EIF4G1: variants seen among roughly 807,000 people sequenced by gnomAD.
EIF4G1 encodes EIF4-gamma.
EIF4G1 carries 4 observed loss-of-function variants against 187.8 expected under a neutral mutation model. That is an observed-to-expected ratio of 0.02 (90% confidence interval 0.01 to 0.05). EIF4G1 has a LOEUF of 0.05. EIF4G1 is among the 10% of genes least tolerant of loss of function. The pLI is 1.00. For missense variants in EIF4G1, 1,647 were observed against 2,081.1 expected, an observed-to-expected ratio of 0.79 and a Z score of 4.06; for synonymous variants, 844 against 781.4, an observed-to-expected ratio of 1.08 and a Z score of -1.34.
At chr3:184,324,115 C>G (rs949968758) in intron 16 of EIF4G1, 86 bp from the exon 17 acceptor site, 1 of 1,608,008 alleles carries the variant, frequency 6.2e-7, no homozygotes, top group Non-Finnish European at 8.5e-7. Context: ...GGCCAGAGAT[C>G]TTCCTGGGTC....
intron 29 of EIF4G1, 30 bp from the exon 30 acceptor site, chr3:184,331,442 C>T: frequency 2.5e-6 from 4 of 1,614,140 alleles, no homozygotes; most frequent in Non-Finnish European, 3.4e-6. Context: ...GGCAACCTTA[C>T]CTCTTAACTG....
At position 184,326,621 on chromosome 3, in the gene EIF4G1, C is replaced by T; in HGVS notation, c.3317C>T (p.Ser1106Leu). Reference sequence around the variant, plus strand: ...AGCGGAGGCTCAGGAGCCAAGCCCTCAGACGCAGGTATGGAGGCAGTGTCA... The same window carrying T: ...AGCGGAGGCTCAGGAGCCAAGCCCTTAGACGCAGGTATGGAGGCAGTGTCA... Reference protein sequence around the residue: ...GSSGGSGAKPSDAASEAARPA... With the variant: ...GSSGGSGAKPLDAASEAARPA... Residue 1106 changes from serine to leucine, a missense_variant, in exon 22 of 33, where the codon TCA (serine) becomes TTA (leucine). Coordinates refer to ENST00000346169, the MANE Select transcript of EIF4G1 (RefSeq NM_198241.3). 1.2e-6 allele frequency: 2 copies of T among 1,609,810 alleles called. No homozygotes were observed. The highest frequency in any genetic ancestry group is 1.7e-6 in the Non-Finnish European group (2 of 1,180,010).
chr3:184,328,786 G>C, intron 27 of EIF4G1, 30 bp downstream of exon 27: 1 of 1,614,110 alleles, frequency 6.2e-7, no homozygotes, highest in East Asian at 2.2e-5. Flanking sequence ...ATTCAGGGGA[G>C]GTAAAGACCA....
At chr3:184,316,597 C>T (rs1403196998) in intron 4 of EIF4G1, 2 of 1,020,944 alleles carry the variant, frequency 2.0e-6, no homozygotes, top group Non-Finnish European at 2.9e-6. Flanking sequence ...TCTCTGTTCC[C>T]CAGCTTCTTC....
chr3:184,324,545 C>T (rs1176857647), intron 17 of EIF4G1, among the ~76,000 whole-genome samples, 198 bp downstream of exon 17: 2 of 152,156 alleles, frequency 1.3e-5, no homozygotes, highest in African/African-American at 4.8e-5. Flanking sequence ...GGCTAGCCTC[C>T]ACCTCCTGAG....
At position 184,322,691 on chromosome 3, in the gene EIF4G1, A is replaced by T; in HGVS notation, c.1756A>T (p.Asn586Tyr). 6.2e-7 allele frequency: 1 copy of T among 1,614,208 alleles called. No individual in the cohort carries two copies. Among genetic ancestry groups the T allele is most frequent in the Non-Finnish European group, 8.5e-7 (1 of 1,180,044 alleles). The change falls in exon 12 of 33, where the codon AAC becomes TAC. Residue 586 changes from asparagine to tyrosine, a missense_variant. Asn to Tyr is a moderately radical substitution (Grantham distance 143). Coordinates refer to ENST00000346169, the MANE Select transcript of EIF4G1 (RefSeq NM_198241.3). ...SKEDKIHNAENIQPGEQKYEY... is the reference protein window; with the variant it reads ...SKEDKIHNAEYIQPGEQKYEY... ...GGAAGACAAAATTCACAATGCTGAGAACATCCAGCCCGGGGAACAGAAGTA... is the reference window on the plus strand; with the variant it reads ...GGAAGACAAAATTCACAATGCTGAGTACATCCAGCCCGGGGAACAGAAGTA...
At chr3:184,327,168 G>A (rs1334856214) in intron 23 of EIF4G1, 48 bp from the exon 24 acceptor site, 6 of 1,607,062 alleles carry the variant, frequency 3.7e-6, no homozygotes, top group Non-Finnish European at 3.4e-6. Flanking sequence ...AATTACATGA[G>A]TGCCTGGGCA....
chr3:184,324,309 T>C lies in EIF4G1; in HGVS notation c.2581T>C (p.Phe861Leu). ...GAAAGACAAAGATGATGATGAGGTT[T>C]TTGAGAAGAAGCAAAAAGAGATGGA... ...FEKDKDDDEV[F>L]EKKQKEMDEA... The change falls in exon 17 of 33, where the codon TTT becomes CTT. Residue 861 changes from phenylalanine to leucine, a missense_variant. Physicochemically the swap from Phe to Leu is conservative, Grantham distance 22. Coordinates refer to ENST00000346169, the MANE Select transcript of EIF4G1 (RefSeq NM_198241.3). 1 of 1,614,216 alleles carries C rather than the reference T, an allele frequency of 6.2e-7. No homozygotes were observed. Among genetic ancestry groups the C allele is most frequent in the South Asian group, 1.1e-5 (1 of 91,086 alleles).
At chr3:184,330,254 C>T (rs1725789817) in intron 28 of EIF4G1, among the ~76,000 whole-genome samples, 1 of 152,120 alleles carries the variant, frequency 6.6e-6, no homozygotes, top group Non-Finnish European at 1.5e-5. Context: ...TGGTGCGCAC[C>T]TGTAGTCCCA....
rs748298511 is a variant in EIF4G1, at chr3:184,321,317, C to G, written c.733C>G (p.Pro245Ala). ...RSQGAIIADR[P>A]GLPGPEHSPS... ...ACAGGGAGCAATCATTGCTGACCGG[C>G]CAGGGCTGCCTGGCCCAGAGCATAG... The change falls in exon 10 of 33, where the codon CCA (proline) becomes GCA (alanine). Residue 245 changes from proline to alanine, a missense_variant. Pro to Ala is a conservative substitution (Grantham distance 27). Coordinates refer to ENST00000346169, the MANE Select transcript of EIF4G1 (RefSeq NM_198241.3). 1 of 1,614,120 alleles carries G rather than the reference C, an allele frequency of 6.2e-7. No individual in the cohort carries two copies. The highest frequency in any genetic ancestry group is 8.5e-7 in the Non-Finnish European group (1 of 1,180,016).
At position 184,327,443 on chromosome 3, in the gene EIF4G1, A is replaced by T; in HGVS notation, c.3656A>T (p.Asp1219Val). Reference protein sequence around the residue: ...SLTEDRDRGRDAVKREAALPP... With the variant: ...SLTEDRDRGRVAVKREAALPP... ...ACGGAGGATCGGGACCGTGGGCGGG[A>T]TGCCGGTGAGAGTCTGGGAGAGGAA... Residue 1219 changes from aspartate (D) to valine (V), a missense_variant, in exon 24 of 33, where the codon GAT becomes GTT. Asp to Val is a radical substitution (Grantham distance 152). This residue lies in a region of EIF4G1 where 543 missense variants were observed against 638.0 expected (regional missense o/e 0.85). Coordinates refer to ENST00000346169, the MANE Select transcript of EIF4G1 (RefSeq NM_198241.3). 6.2e-7 allele frequency: 1 copy of T among 1,613,620 alleles called. No individual in the cohort carries two copies. The highest frequency in any genetic ancestry group is 8.5e-7 in the Non-Finnish European group (1 of 1,179,892).
In EIF4G1 at chr3:184,334,946, C is replaced by CA. The variant is rs745927433; in HGVS notation, c.*39dup. ...CCGGGGACCTGGAGCCCCATGGACA[C>CA]ACAGATGGCCCGGCTAGCCGCCTGG... On this transcript the variant is annotated 3_prime_UTR_variant, in exon 33 of 33. Coordinates refer to ENST00000346169, the MANE Select transcript of EIF4G1 (RefSeq NM_198241.3). The surrounding 1 kb of genome is among the most constrained non-coding windows in gnomAD (Gnocchi z 5.8). 8 of 1,612,126 alleles carry CA rather than the reference C, an allele frequency of 5.0e-6. No individual in the cohort carries two copies. The highest frequency in any genetic ancestry group is 6.8e-6 in the Non-Finnish European group (8 of 1,179,566).
chr3:184,319,825 G>C, intron 7 of EIF4G1, 24 bp downstream of exon 7: 1 of 1,484,172 alleles, frequency 6.7e-7, no homozygotes, highest in Non-Finnish European at 9.3e-7. Context: ...AGGGGCTCCG[G>C]GACATCTGGG....
Position 184,328,122 on chromosome 3 carries a change from G to T in EIF4G1, c.3953+120G>T, listed in dbSNP as rs144634629. On this transcript the variant is annotated intron_variant, in intron 26 of 32. Coordinates refer to ENST00000346169, the MANE Select transcript of EIF4G1 (RefSeq NM_198241.3). ...TCCCTGGCCGGGTGTGGTGGCTTATGCCTGTAATCCCTGCACTTTGGGAGG... is the reference window on the plus strand; with the variant it reads ...TCCCTGGCCGGGTGTGGTGGCTTATTCCTGTAATCCCTGCACTTTGGGAGG... 6.0e-3 allele frequency: 7,307 copies of T among 1,211,608 alleles called. 37 individuals carry two copies. The highest frequency in any genetic ancestry group is 6.9e-3 in the Non-Finnish European group (5,758 of 836,828). 75.1% of individuals were successfully genotyped at this position (1,211,608 alleles called of 1,614,324 possible).
Position 184,321,936 on chromosome 3 carries a change from C to A in EIF4G1, c.1352C>A (p.Pro451Gln), listed in dbSNP as rs147419996. ...GCTACGGCTCCTTCAGCTACTTCCC[C>A]AGCTCAGGAGGAGGAAATGGAAGAA... ...TPATAPSATS[P>Q]AQEEEMEEEE... is the part of the protein sequence containing the mutation. Residue 451 changes from proline (P) to glutamine (Q), a missense_variant, in exon 10 of 33, where the codon CCA becomes CAA. Around this residue, in one of 11 missense-constraint regions of EIF4G1, gnomAD observed 522 missense variants for 485.2 expected, o/e 1.08. Transcript: ENST00000346169. 7.1e-5 allele frequency: 115 copies of A among 1,614,054 alleles called. No individual in the cohort carries two copies. The highest frequency in any genetic ancestry group is 9.0e-5 in the Non-Finnish European group (106 of 1,180,036).
Position 184,323,718 on chromosome 3 carries a change from C to A in EIF4G1, c.2275-62C>A. 6.2e-7 allele frequency: 1 copy of A among 1,611,298 alleles called. No individual in the cohort carries two copies. The highest frequency in any genetic ancestry group is 1.3e-5 in the African/African-American group (1 of 75,000). ...ATGCCTAAGTCCCCACCACCCTCTC[C>A]TGTCCCTCCCAACAGCCTGTTCTGA... On this transcript the variant is annotated intron_variant, in intron 15 of 32. Transcript: ENST00000346169. The surrounding 1 kb of genome is among the most constrained non-coding windows in gnomAD (Gnocchi z 6.9).
rs771183104 is a variant in EIF4G1 at position 184,327,402 on chromosome 3, C to T, written c.3615C>T (p.Arg1205=). 8.7e-6 allele frequency: 14 copies of T among 1,613,556 alleles called. No individual in the cohort carries two copies. The highest frequency in any genetic ancestry group is 6.7e-5 in the Admixed American group (4 of 60,004). ...GGCCCTCCCAGCCTGAGGGGCTGCG[C>T]AAGGCAGCTAGCCTCACGGAGGATC... The part of the protein sequence containing the change: ...RERPSQPEGL[R]KAASLTEDRD... Residue 1205 remains arginine, a synonymous_variant, in exon 24 of 33, where the codon CGC becomes CGT. Transcript: ENST00000346169.
In EIF4G1 at chr3:184,331,763, G is replaced by A. The variant is rs778504953; in HGVS notation, c.4431G>A (p.Thr1477=). The A allele has an allele frequency of 3.1e-6, 5 of 1,614,066 alleles. No homozygotes were observed. Among genetic ancestry groups the A allele is most frequent in the East Asian group, 2.2e-5 (1 of 44,892 alleles). The part of the protein sequence containing the change: ...NLSEQQIVSN[T]LVRALMTAVC... The stretch of plus-strand genomic sequence containing the variant: ...GTGAGCAGCAGATAGTATCCAACAC[G>A]TTAGTTCGAGCCCTCATGACGGCTG... Residue 1477 remains threonine (T), a synonymous_variant, in exon 31 of 33, where the codon ACG becomes ACA. Coordinates refer to ENST00000346169, the MANE Select transcript of EIF4G1 (RefSeq NM_198241.3).
rs1726893023 is a variant in EIF4G1 at position 184,335,221 on chromosome 3, G to GA, written c.*317dup. The stretch of plus-strand genomic sequence containing the variant: ...CCTGGGGTCCTTTTTTTTATTTTCT[G>GA]AAAATCACTCTCGGGACTGCCGTCC... On this transcript the variant is annotated 3_prime_UTR_variant, in exon 33 of 33. Transcript: ENST00000346169. 1 of 360,688 alleles carries GA rather than the reference G, an allele frequency of 2.8e-6. No individual in the cohort carries two copies. Among genetic ancestry groups the GA allele is most frequent in the South Asian group, 3.1e-5 (1 of 32,578 alleles). 22.3% of individuals were successfully genotyped at this position (360,688 alleles called of 1,614,324 possible).
Sources: gnomAD v4.1 joint callset for allele counts (sites outside exome capture counted in the v4.1 genomes callset) on GRCh38, gnomAD v4.1.1 for gene constraint, gnomAD v4.1.1 regional missense constraint, Gnocchi (gnomAD v3.1) non-coding constraint, MANE v1.5 for transcripts, NCBI Gene and HGNC (gene_info 2026-07-23, HGNC 2026-07-21) for gene names.